KRT82: variants seen among roughly 807,000 people sequenced by gnomAD.
KRT82 encodes keratin, type II cuticular Hb2.
A neutral mutation model predicts 48.0 loss-of-function variants in KRT82; 44 were observed. The ratio of observed to expected loss-of-function variants is 0.92; its 90% CI spans 0.72 to 1.18. The LOEUF (loss-of-function observed/expected upper bound fraction) is 1.18, where lower values mean the gene tolerates loss of function less well. KRT82 is among the 50% of genes most tolerant of loss of function. KRT82 has a pLI of 0.00. For missense variants in KRT82, 701 were observed against 671.4 expected, an observed-to-expected ratio of 1.04 and a Z score of -0.49; for synonymous variants, 297 against 278.3, an observed-to-expected ratio of 1.07 and a Z score of -0.67.
In KRT82 at chr12:52,400,029, C is replaced by T. The variant is rs143454001; in HGVS notation, c.898G>A (p.Ala300Thr). The change falls in exon 5 of 9, where the codon GCC (alanine) becomes ACC (threonine). Residue 300 changes from alanine (A) to threonine (T), a missense_variant. Ala to Thr is a moderately conservative substitution (Grantham distance 58). Coordinates refer to ENST00000257974, the MANE Select transcript of KRT82 (RefSeq NM_033033.4). ...TCTGCTTCGGCTTTGCTGCGGCTGG[C>T]GATGTCGTCATACTGCGCCTTGATC... The part of the protein sequence containing the change: ...AEIKAQYDDI[A>T]SRSKAEAEAW... The T allele has an allele frequency of 9.4e-5, 152 of 1,614,092 alleles. 1 individual carries two copies. The African/African-American group carries it at 1.7e-3, about 18-fold the overall frequency.
rs745328665 is a variant in KRT82, at chr12:52,403,802, G to C, written c.519C>G (p.Ile173Met). The C allele has an allele frequency of 6.2e-7, 1 of 1,613,572 alleles. No individual in the cohort carries two copies. Among genetic ancestry groups the C allele is most frequent in the Non-Finnish European group, 8.5e-7 (1 of 1,179,952 alleles). Residue 173 changes from isoleucine to methionine, a missense_variant, in exon 2 of 9, where the codon ATC (isoleucine) becomes ATG (methionine). By Grantham distance (10) the Ile-to-Met change is conservative (BLOSUM62 1). Coordinates refer to ENST00000257974, the MANE Select transcript of KRT82 (RefSeq NM_033033.4). ...TNIEPIFEGY[I>M]SALRRQLDCV... The stretch of plus-strand genomic sequence containing the variant: ...AGTCCAGCTGCCGCCGAAGGGCGCT[G>C]ATATAGCCCTCGAAGATGGGCTCGA...
At position 52,396,095 on chromosome 12, in the gene KRT82, T is replaced by C; in HGVS notation, c.1206A>G (p.Glu402=). The C allele has an allele frequency of 3.1e-6, 5 of 1,614,210 alleles. No individual in the cohort carries two copies. The highest frequency in any genetic ancestry group is 4.2e-6 in the Non-Finnish European group (5 of 1,180,038). ...AKQDMACLLK[E]YQEVMNSKLG... ...GCTTGGAGTTCATCACCTCCTGATA[T>C]TCCTTGAGCAGGCAGGCCATGTCCT... The change falls in exon 7 of 9, where the codon GAA becomes GAG. Residue 402 remains glutamate (E), a synonymous_variant. Transcript: ENST00000257974.
Position 52,396,901 on chromosome 12 carries a change from G to T in KRT82, c.1050C>A (p.Thr350=). Residue 350 remains threonine (T), a synonymous_variant, in exon 6 of 9, where the codon ACC becomes ACA. Coordinates refer to ENST00000257974, the MANE Select transcript of KRT82 (RefSeq NM_033033.4). ...NKLIQRLQQE[T]ENVKAQRCKL... ...GCCTCACCTGGGCTTTGACATTCTC[G>T]GTTTCTTGCTGCAGCCGCTGGATCA... 1 of 1,614,096 alleles carries T rather than the reference G, an allele frequency of 6.2e-7. No individual in the cohort carries two copies. Among genetic ancestry groups the T allele is most frequent in the Non-Finnish European group, 8.5e-7 (1 of 1,180,002 alleles).
intron 1 of KRT82, among the ~76,000 whole-genome samples, chr12:52,404,857 C>CTT (rs1181914846): frequency 6.6e-6 from 1 of 152,250 alleles, no homozygotes; most frequent in Non-Finnish European, 1.5e-5. Context: ...TAATCTCCCA[C>CTT]CGTCATTCCT....
chr12:52,399,443 G>A (rs1939757289), intron 5 of KRT82, among the ~76,000 whole-genome samples: 1 of 152,168 alleles, frequency 6.6e-6, no homozygotes, highest in Non-Finnish European at 1.5e-5. Context: ...CATGCATGGC[G>A]CCTTTCACAG....
Position 52,403,798 on chromosome 12 carries a change from C to T in KRT82, c.523G>A (p.Ala175Thr), listed in dbSNP as rs200216919. The change falls in exon 2 of 9, where the codon GCC becomes ACC. Residue 175 changes from alanine (A) to threonine (T), a missense_variant. Coordinates refer to ENST00000257974, the MANE Select transcript of KRT82 (RefSeq NM_033033.4). ...IEPIFEGYISALRRQLDCVSG... is the reference protein window; with the variant it reads ...IEPIFEGYISTLRRQLDCVSG... Reference sequence around the variant, plus strand: ...ACACAGTCCAGCTGCCGCCGAAGGGCGCTGATATAGCCCTCGAAGATGGGC... The same window carrying T: ...ACACAGTCCAGCTGCCGCCGAAGGGTGCTGATATAGCCCTCGAAGATGGGC... 2.0e-5 allele frequency: 32 copies of T among 1,613,686 alleles called. No individual in the cohort carries two copies. Among genetic ancestry groups the T allele is most frequent in the South Asian group, 1.9e-4 (17 of 91,078 alleles).
intron 1 of KRT82, 25 bp downstream of exon 1, chr12:52,405,842 C>A: frequency 6.3e-7 from 1 of 1,583,978 alleles, no homozygotes; most frequent in Non-Finnish European, 8.6e-7. Context: ...GGTCCTCTCA[C>A]GGCCCTGGGC....
chr12:52,401,740 T>A (rs1280078417), intron 2 of KRT82, among the ~76,000 whole-genome samples: 1 of 152,148 alleles, frequency 6.6e-6, no homozygotes, highest in Non-Finnish European at 1.5e-5. Context: ...GCTGACCCTG[T>A]GCATCCTCCT....
At chr12:52,400,287 T>C in intron 4 of KRT82, 138 bp from the exon 5 acceptor site, 1 of 919,616 alleles carries the variant, frequency 1.1e-6, no homozygotes, top group Non-Finnish European at 1.6e-6. Context: ...AGTCACCAAC[T>C]GACTCCTTGT....
chr12:52,402,029 C>T (rs1190037521), intron 2 of KRT82: 2 of 152,222 alleles, frequency 1.3e-5, no homozygotes, highest in South Asian at 4.1e-4. Flanking sequence ...TGGAGCCTAG[C>T]CCCCTGGGTT....
At position 52,395,124 on chromosome 12, in the gene KRT82, C is replaced by T. The variant is rs149755657; in HGVS notation, c.1393G>A (p.Val465Ile). Residue 465 changes from valine (V) to isoleucine (I), a missense_variant, in exon 9 of 9, where the codon GTC becomes ATC. Val to Ile is a conservative substitution (Grantham distance 29). Transcript: ENST00000257974. ...CTGCAGCCCCCATTGCTCCTGAGGA[C>T]GCCAGTGCTGAGGACAGGCGTGCTG... is the stretch of plus-strand genomic sequence containing the variant. Reference protein sequence around the residue: ...GVSTPVLSTGVLRSNGGCSIV... With the variant: ...GVSTPVLSTGILRSNGGCSIV... The T allele has an allele frequency of 2.0e-5, 32 of 1,613,916 alleles. 1 individual carries two copies. The highest frequency in any genetic ancestry group is 1.1e-4 in the South Asian group (10 of 91,076).
At chr12:52,403,661 C>A in intron 2 of KRT82, 40 bp downstream of exon 2, 2 of 1,280,832 alleles carry the variant, frequency 1.6e-6, no homozygotes, top group Non-Finnish European at 2.3e-6. Flanking sequence ...CTGTCCCTTG[C>A]CCCAGGTCCA....
intron 5 of KRT82, among the ~76,000 whole-genome samples, chr12:52,397,769 G>A (rs1939734408): frequency 6.6e-6 from 1 of 152,210 alleles, no homozygotes; most frequent in African/African-American, 2.4e-5. Context: ...ACCCCTGGCT[G>A]GGCTCAGTGA....
chr12:52,400,250 A>T (rs1431821962), intron 4 of KRT82, 101 bp from the exon 5 acceptor site: 3 of 1,180,830 alleles, frequency 2.5e-6, no homozygotes, highest in Non-Finnish European at 3.6e-6. Flanking sequence ...GAGTGCATAG[A>T]ACTCTGCTAT....
chr12:52,402,056 C>T (rs1939797612), intron 2 of KRT82: 1 of 152,246 alleles, frequency 6.6e-6, no homozygotes, highest in Admixed American at 6.5e-5. Context: ...CTGGCTCTGT[C>T]CCGTGCAAGC....
rs1349115231 is a variant in KRT82, at chr12:52,403,876, C to T, written c.445G>A (p.Glu149Lys). The T allele has an allele frequency of 5.0e-6, 8 of 1,613,856 alleles. No individual in the cohort carries two copies. Among genetic ancestry groups the T allele is most frequent in the Non-Finnish European group, 5.1e-6 (6 of 1,180,026 alleles). ...RFLEQKNKLLETKWNFMQQQR... is the reference protein window; with the variant it reads ...RFLEQKNKLLKTKWNFMQQQR... The stretch of plus-strand genomic sequence containing the variant: ...TGCTGCATGAAGTTCCACTTGGTCT[C>T]CAGCAGCTTGTTCTTCTGCTCCAGG... Residue 149 changes from glutamate to lysine, a missense_variant, in exon 2 of 9, where the codon GAG (glutamate) becomes AAG (lysine). Transcript: ENST00000257974.
rs764966626 is a variant in KRT82, at chr12:52,403,813, C to A, written c.508G>T (p.Glu170Ter). 6.2e-7 allele frequency: 1 copy of A among 1,613,568 alleles called. No individual in the cohort carries two copies. The highest frequency in any genetic ancestry group is 1.7e-5 in the Admixed American group (1 of 60,000). ...CCQTNIEPIFEGYISALRRQL... is the reference protein window; with the variant it reads ...CCQTNIEPIF ...CGCCGAAGGGCGCTGATATAGCCCT[C>A]GAAGATGGGCTCGATGTTGGTCTGG... The change falls in exon 2 of 9, where the codon GAG (glutamate) becomes TAG (stop). Residue 170 changes from glutamate to a stop codon, truncating the protein, a stop_gained. Coordinates refer to ENST00000257974, the MANE Select transcript of KRT82 (RefSeq NM_033033.4). LOFTEE classifies it high-confidence loss of function.
At chr12:52,396,743 C>T in intron 6 of KRT82, 140 bp downstream of exon 6, 1 of 927,324 alleles carries the variant, frequency 1.1e-6, no homozygotes, top group East Asian at 2.6e-5. Flanking sequence ...AAAGGGCTTG[C>T]TTCTGCTTGA....
chr12:52,399,530 C>T (rs1197865533), intron 5 of KRT82, among the ~76,000 whole-genome samples: 1 of 152,242 alleles, frequency 6.6e-6, no homozygotes, highest in Non-Finnish European at 1.5e-5. Flanking sequence ...TCCAAGCAAG[C>T]CCCTAATTAT....
Sources: gnomAD v4.1 joint callset for allele counts (sites outside exome capture counted in the v4.1 genomes callset) on GRCh38, gnomAD v4.1.1 for gene constraint, MANE v1.5 for transcripts, NCBI Gene and HGNC (gene_info 2026-07-23, HGNC 2026-07-21) for gene names.